CNTN4: variants seen among roughly 807,000 people sequenced by gnomAD.
CNTN4 encodes contactin 4.
CNTN4 carries 77 observed loss-of-function variants against 122.5 expected under a neutral mutation model. The observed-to-expected ratio is 0.63, with a 90% confidence interval of 0.52 to 0.76. The LOEUF is 0.76. Ranked by LOEUF, CNTN4 falls within the 30% of genes least tolerant of loss-of-function variation. CNTN4 has a pLI of 0.00. For synonymous variants in CNTN4, 512 were observed against 447.0 expected, an observed-to-expected ratio of 1.15 and a Z score of -1.83; for missense variants, 1,256 against 1,259.1, an observed-to-expected ratio of 1.00 and a Z score of 0.04.
intron 6 of CNTN4, among the ~76,000 whole-genome samples, chr3:2,818,907 A>G (rs1184973722): frequency 6.6e-6 from 1 of 152,238 alleles, no homozygotes; most frequent in Non-Finnish European, 1.5e-5. Flanking sequence ...TTGTGTTTGT[A>G]TATAAAGAGA....
chr3:2,404,294 C>T (rs1197737365), intron 3 of CNTN4, among the ~76,000 whole-genome samples: 1 of 152,136 alleles, frequency 6.6e-6, no homozygotes, highest in Non-Finnish European at 1.5e-5. Flanking sequence ...ACAGGCCTTT[C>T]CCCTTCCTGG....
At chr3:2,249,606 T>G (rs2040297280) in intron 2 of CNTN4, among the ~76,000 whole-genome samples, 1 of 151,668 alleles carries the variant, frequency 6.6e-6, no homozygotes, top group Non-Finnish European at 1.5e-5. Flanking sequence ...GAGAGAAGAG[T>G]AGTTGAAACA....
chr3:3,044,716 A>G (rs943674290), intron 23 of CNTN4, among the ~76,000 whole-genome samples: 18 of 152,302 alleles, frequency 1.2e-4, no homozygotes, highest in Admixed American at 7.2e-4. Context: ...TACATTTCCA[A>G]CTGAGGTACT....
chr3:2,943,625 TATA>T (rs1354451297), intron 13 of CNTN4, among the ~76,000 whole-genome samples: 124 of 77,586 alleles, frequency 1.6e-3, no homozygotes, highest in South Asian at 4.1e-3. Context: ...TATATATATA[TATA>T]TATTTTTTTT....
intron 3 of CNTN4, among the ~76,000 whole-genome samples, chr3:2,563,198 G>A (rs1053609514): frequency 6.6e-6 from 1 of 152,164 alleles, no homozygotes; most frequent in African/African-American, 2.4e-5. Flanking sequence ...GGGAGTGATA[G>A]AAATATTCTA....
intron 7 of CNTN4, among the ~76,000 whole-genome samples, chr3:2,827,166 C>A (rs2320939): frequency 4.6e-5 from 7 of 152,182 alleles, no homozygotes. Context: ...TCACTTTCCT[C>A]AGGAAGCAGT....
At chr3:2,333,490 A>G (rs2043819203) in intron 2 of CNTN4, among the ~76,000 whole-genome samples, 1 of 152,206 alleles carries the variant, frequency 6.6e-6, no homozygotes, top group African/African-American at 2.4e-5. Flanking sequence ...ATCAAGAGAT[A>G]ATCATATTCT....
At chr3:2,767,281 G>C (rs1472662954) in intron 6 of CNTN4, among the ~76,000 whole-genome samples, 1 of 152,026 alleles carries the variant, frequency 6.6e-6, no homozygotes, top group African/African-American at 2.4e-5. Flanking sequence ...AGAGGGGGAG[G>C]GTGATCTTCC....
intron 2 of CNTN4, among the ~76,000 whole-genome samples, chr3:2,110,228 C>G (rs753630333): frequency 2.6e-5 from 4 of 152,198 alleles, no homozygotes; most frequent in Admixed American, 6.5e-5. Context: ...CAAACACATT[C>G]TTACTTTTCC....
chr3:2,338,221 T>A (rs1206258262), intron 2 of CNTN4, among the ~76,000 whole-genome samples: 1 of 152,036 alleles, frequency 6.6e-6, no homozygotes, highest in Non-Finnish European at 1.5e-5. Context: ...CTTCTGGTTG[T>A]TATCGATATT....
chr3:2,738,385 A>G (rs879776874), intron 5 of CNTN4, among the ~76,000 whole-genome samples: 2 of 152,170 alleles, frequency 1.3e-5, no homozygotes, highest in Admixed American at 6.5e-5. Flanking sequence ...TAGCCTAAAT[A>G]CTTCTTTTAA....
At chr3:2,794,116 T>C (rs1553641338) in intron 6 of CNTN4, among the ~76,000 whole-genome samples, 2 of 152,240 alleles carry the variant, frequency 1.3e-5, no homozygotes, top group Non-Finnish European at 2.9e-5. Flanking sequence ...CATTCATCTC[T>C]TTTAATAGTT....
intron 2 of CNTN4, among the ~76,000 whole-genome samples, chr3:2,324,459 G>T (rs1294446937): frequency 6.6e-6 from 1 of 152,086 alleles, no homozygotes; most frequent in Non-Finnish European, 1.5e-5. Flanking sequence ...GCATAAGACG[G>T]TAACTTAAAA....
intron 14 of CNTN4, among the ~76,000 whole-genome samples, chr3:2,991,017 A>C (rs978996356): frequency 3.3e-5 from 5 of 152,198 alleles, no homozygotes; most frequent in African/African-American, 1.2e-4. Flanking sequence ...AAAGTACTAA[A>C]TATGCATTGT....
intron 9 of CNTN4, among the ~76,000 whole-genome samples, chr3:2,886,673 G>A (rs1343342605): frequency 7.9e-5 from 12 of 151,500 alleles, no homozygotes; most frequent in Admixed American, 6.6e-4. Context: ...CACCATGCCC[G>A]GGTAATTTTT....
intron 2 of CNTN4, among the ~76,000 whole-genome samples, chr3:2,277,512 G>A (rs1239647285): frequency 6.6e-6 from 1 of 152,070 alleles, no homozygotes; most frequent in Admixed American, 6.6e-5. Flanking sequence ...TCTTACCATT[G>A]TTTTATTTTT....
chr3:2,627,552 A>G lies in CNTN4; in HGVS notation c.55+55994A>G, dbSNP rs571457441. 4.1e-3 allele frequency among the ~76,000 whole-genome samples: 551 copies of G among 133,126 alleles called. 1 individual carries two copies. Among genetic ancestry groups the G allele is most frequent in the Middle Eastern group, 0.033 (6 of 184 alleles). The allele number at this position is 133,126 out of a possible 152,430, so 87.3% of individuals were successfully genotyped here. On this transcript the variant is annotated intron_variant, in intron 4 of 24. Transcript: ENST00000418658. ...TCTGTCGCCCAGGCTGGAGTGTAGT[A>G]GCGCAATCTCGGCTCACTGCAAGCT...
At chr3:2,377,680 C>T (rs1225119554) in intron 3 of CNTN4, among the ~76,000 whole-genome samples, 2 of 152,168 alleles carry the variant, frequency 1.3e-5, no homozygotes, top group African/African-American at 4.8e-5. Flanking sequence ...GCTTGTCCAA[C>T]CTGTGACCTG....
chr3:2,724,997 C>G (rs1443901751), intron 4 of CNTN4, among the ~76,000 whole-genome samples: 1 of 152,206 alleles, frequency 6.6e-6, no homozygotes, highest in Non-Finnish European at 1.5e-5. Flanking sequence ...ACTCTTAATA[C>G]ATGACAACTA....
Sources: allele counts gnomAD v4.1 joint callset (sites outside exome capture counted in the v4.1 genomes callset), GRCh38; gene constraint gnomAD v4.1.1; transcripts MANE v1.5; gene names NCBI Gene and HGNC (gene_info 2026-07-23, HGNC 2026-07-21).